TAFA1: variants seen among roughly 807,000 people sequenced by gnomAD.
TAFA1 encodes the protein TAFA chemokine like family member 1, also known as chemokine-like protein TAFA-1.
A neutral mutation model predicts 18.5 loss-of-function variants in TAFA1; 4 were observed. The observed-to-expected ratio is 0.22, with a 90% CI of 0.11 to 0.49. The LOEUF (loss-of-function observed/expected upper bound fraction) is 0.49. TAFA1 is among the 20% of genes least tolerant of loss of function. The probability of loss-of-function intolerance (pLI) is 0.98; values close to 1 mark genes in which losing one functional copy is unlikely to be tolerated. For synonymous variants in TAFA1, 56 were observed against 55.2 expected (o/e 1.01, Z -0.06); for missense variants, 147 against 169.0 (o/e 0.87, Z 0.72).
intron 3 of TAFA1, among the ~76,000 whole-genome samples, chr3:68,453,262 T>C (rs1256104524): frequency 5.3e-5 from 8 of 152,186 alleles, no homozygotes; most frequent in African/African-American, 1.9e-4. Context: ...GTTTAATTTG[T>C]GCTGGGGACT....
At position 68,544,911 on chromosome 3, in the gene TAFA1, A is replaced by C. The variant is rs1400395316; in HGVS notation, c.*408A>C. 1 of 151,804 alleles carries C rather than the reference A, an allele frequency of 6.6e-6. No homozygotes were observed. Among genetic ancestry groups the C allele is most frequent in the African/African-American group, 2.4e-5 (1 of 41,296 alleles). 9.4% of individuals were successfully genotyped at this position (151,804 alleles called of 1,614,324 possible). ...GCTGGTGTACCCCTTTGAGTTTTGG[A>C]TGTTTTGTCTGTTTTGCTTTGTTTT... On this transcript the variant is annotated 3_prime_UTR_variant, in exon 5 of 5. Coordinates refer to ENST00000478136, the MANE Select transcript of TAFA1 (RefSeq NM_213609.4).
chr3:67,998,726 T>C, the TAFA1 span, among the ~76,000 whole-genome samples: 10 of 152,178 alleles, frequency 6.6e-5, no homozygotes, highest in African/African-American at 1.7e-4. Flanking sequence ...TTAGAATGAA[T>C]AGAAATCCTG....
intron 2 of TAFA1, among the ~76,000 whole-genome samples, chr3:68,180,614 G>A (rs888508921): frequency 6.6e-6 from 1 of 152,176 alleles, no homozygotes; most frequent in African/African-American, 2.4e-5. Flanking sequence ...CCCTTCTAGA[G>A]AAGATAGATA....
intron 3 of TAFA1, among the ~76,000 whole-genome samples, chr3:68,455,184 C>T (rs1403312748): frequency 1.3e-5 from 2 of 151,814 alleles, no homozygotes; most frequent in Non-Finnish European, 2.9e-5. Context: ...CTTCATTCTC[C>T]TCATCTTCAT....
chr3:68,399,620 A>C (rs551916875), intron 2 of TAFA1, among the ~76,000 whole-genome samples: 3 of 152,168 alleles, frequency 2.0e-5, no homozygotes, highest in Non-Finnish European at 4.4e-5. Flanking sequence ...AAATTCCAAT[A>C]ATTTCATAAT....
intron 3 of TAFA1, among the ~76,000 whole-genome samples, chr3:68,534,878 A>G (rs1001729282): frequency 2.0e-5 from 3 of 151,996 alleles, no homozygotes; most frequent in African/African-American, 4.8e-5. Flanking sequence ...GCTTAGAAGG[A>G]GGCAACACCA....
At chr3:68,028,403 G>C (rs12635428) in intron 2 of TAFA1, among the ~76,000 whole-genome samples, 1 of 148,090 alleles carries the variant, frequency 6.8e-6, no homozygotes, top group Non-Finnish European at 1.5e-5. Context: ...TGAACAAAAA[G>C]ATGAAAATAA....
chr3:68,253,847 TG>T (rs2067242333), intron 2 of TAFA1, among the ~76,000 whole-genome samples: 1 of 152,202 alleles, frequency 6.6e-6, no homozygotes, highest in African/African-American at 2.4e-5. Flanking sequence ...ACAGGTTTTG[TG>T]CCCCTTCTAA....
chr3:68,056,093 A>G (rs948654319), intron 2 of TAFA1, among the ~76,000 whole-genome samples: 2 of 152,144 alleles, frequency 1.3e-5, no homozygotes, highest in Non-Finnish European at 2.9e-5. Flanking sequence ...AGTGCTAGAG[A>G]AATTGCATAA....
chr3:68,262,714 G>A (rs759624263), intron 2 of TAFA1, among the ~76,000 whole-genome samples: 4 of 151,866 alleles, frequency 2.6e-5, no homozygotes, highest in Non-Finnish European at 4.4e-5. Flanking sequence ...CCATATCTTT[G>A]CTATTGTGAA....
chr3:68,522,405 G>A (rs1454232908), intron 3 of TAFA1, among the ~76,000 whole-genome samples: 1 of 152,154 alleles, frequency 6.6e-6, no homozygotes, highest in Non-Finnish European at 1.5e-5. Flanking sequence ...ATACATAAAT[G>A]TGCAGAGAAA....
At chr3:68,107,414 C>T (rs2065216058) in intron 2 of TAFA1, among the ~76,000 whole-genome samples, 1 of 152,080 alleles carries the variant, frequency 6.6e-6, no homozygotes, top group Non-Finnish European at 1.5e-5. Flanking sequence ...AATGGATAAA[C>T]AAATTTATTA....
chr3:68,441,159 G>C (rs1463081417), intron 3 of TAFA1, among the ~76,000 whole-genome samples: 1 of 152,164 alleles, frequency 6.6e-6, no homozygotes, highest in Admixed American at 6.6e-5. Flanking sequence ...TTCCTCATTT[G>C]GGTGTGTTAC....
chr3:68,025,346 A>G (rs998655899), intron 2 of TAFA1, among the ~76,000 whole-genome samples: 2 of 152,080 alleles, frequency 1.3e-5, no homozygotes, highest in African/African-American at 2.4e-5. Flanking sequence ...CCGAGCCACA[A>G]CTTCCTCTAC....
At chr3:68,332,212 C>T (rs77622722) in intron 2 of TAFA1, among the ~76,000 whole-genome samples, 3,376 of 147,894 alleles carry the variant, frequency 0.023, 108 homozygotes, top group East Asian at 0.17. Context: ...TATCTGTATA[C>T]AAAAAGAAAA....
intron 2 of TAFA1, among the ~76,000 whole-genome samples, chr3:68,273,001 T>C (rs2067705915): frequency 6.6e-6 from 1 of 152,004 alleles, no homozygotes; most frequent in African/African-American, 2.4e-5. Flanking sequence ...TCCATGGGAG[T>C]TGTATTTTAA....
intron 3 of TAFA1, among the ~76,000 whole-genome samples, chr3:68,444,183 A>G (rs2071434843): frequency 6.6e-6 from 1 of 152,032 alleles, no homozygotes; most frequent in Non-Finnish European, 1.5e-5. Flanking sequence ...TCTTTATACA[A>G]ATTTGGAAGT....
chr3:68,234,272 G>A (rs2066903141), intron 2 of TAFA1, among the ~76,000 whole-genome samples: 1 of 152,160 alleles, frequency 6.6e-6, no homozygotes. Flanking sequence ...TACTGACTTC[G>A]TGGGTGATGA....
intron 2 of TAFA1, among the ~76,000 whole-genome samples, chr3:68,170,186 C>T (rs1318895759): frequency 1.3e-5 from 2 of 152,154 alleles, no homozygotes; most frequent in South Asian, 2.1e-4. Context: ...TCCTTGAAAA[C>T]CAATAGACAC....
Sources: allele counts gnomAD v4.1 joint callset (sites outside exome capture counted in the v4.1 genomes callset), GRCh38; gene constraint gnomAD v4.1.1; transcripts MANE v1.5; gene names NCBI Gene and HGNC (gene_info 2026-07-23, HGNC 2026-07-21).